LPIN1: variants seen among roughly 807,000 people sequenced by gnomAD.
The protein encoded by LPIN1 is phosphatidate phosphatase LPIN1.
A neutral mutation model predicts 107.5 loss-of-function variants in LPIN1; 71 were observed. The ratio of observed to expected loss-of-function variants is 0.66; its 90% CI spans 0.55 to 0.80. The LOEUF is 0.80. Among genes scored for constraint, LPIN1 ranks in the 30% least tolerant of loss-of-function variants. The pLI is 0.00. For synonymous variants in LPIN1, 445 were observed against 452.6 expected (o/e 0.98, Z 0.21); for missense variants, 1,043 against 1,160.6 (o/e 0.90, Z 1.47).
chr2:11,736,985 G>A (rs1665850151), intron 1 of LPIN1, among the ~76,000 whole-genome samples: 1 of 152,254 alleles, frequency 6.6e-6, no homozygotes, highest in African/African-American at 2.4e-5. Context: ...AGACACAGAT[G>A]TGCTGATCTG....
intron 1 of LPIN1, among the ~76,000 whole-genome samples, chr2:11,740,555 T>C (rs940229627): frequency 6.6e-5 from 10 of 151,346 alleles, no homozygotes; most frequent in Non-Finnish European, 1.3e-4. Context: ...GTGGTGGGAC[T>C]CATCTGTAAT....
intron 5 of LPIN1, among the ~76,000 whole-genome samples, chr2:11,775,378 A>T (rs2148642453): frequency 6.6e-6 from 1 of 152,340 alleles, no homozygotes; most frequent in East Asian, 1.9e-4. Context: ...AATTTTAAGG[A>T]TTTAAAAGAA....
rs771075398 is a variant in LPIN1, at chr2:11,824,641, ACT to A, written c.2634_2635del (p.Cys879Ter). 1.2e-6 allele frequency: 2 copies of A among 1,613,698 alleles called. No individual in the cohort carries two copies. Among genetic ancestry groups the A allele is most frequent in the Non-Finnish European group, 1.7e-6 (2 of 1,179,946 alleles). On this transcript the variant is annotated frameshift_variant, in exon 21 of 21. Transcript: ENST00000674199. LOFTEE classifies it high-confidence loss of function. Reference sequence around the variant, plus strand: ...GTCCCTTTCCTTCCAGGTATGTGAGACTCTGTGAAGTAGTCGACCACGTTTTC... The same window carrying A: ...GTCCCTTTCCTTCCAGGTATGTGAGACTGTGAAGTAGTCGACCACGTTTTC... The part of the protein sequence containing the change: ...AKTNISSYVR[L>X]CEVVDHVFPL...
chr2:11,799,139 G>C (rs369059463), intron 14 of LPIN1, among the ~76,000 whole-genome samples: 2 of 152,264 alleles, frequency 1.3e-5, no homozygotes, highest in South Asian at 2.1e-4. Context: ...CCGTGTACTT[G>C]CCCTAAGCCG....
intron 6 of LPIN1, among the ~76,000 whole-genome samples, chr2:11,777,855 A>C (rs746136223): frequency 2.8e-4 from 43 of 152,192 alleles, no homozygotes; most frequent in Non-Finnish European, 4.0e-4. Context: ...AGAGCTTTTT[A>C]GATACTTTGA....
intron 9 of LPIN1, 26 bp from the exon 10 acceptor site, chr2:11,784,860 G>T (rs1263349521): frequency 3.1e-6 from 5 of 1,612,422 alleles, no homozygotes; most frequent in Non-Finnish European, 4.2e-6. Context: ...TCCTCAGCCG[G>T]TCTCTGCCGC....
chr2:11,785,094 C>T lies in LPIN1; in HGVS notation c.1549+18C>T, dbSNP rs34296737. ...CACGAAAGGTACCGCGGGCCTCGCGCGGGCGCCCTCTGGTGGCCGCCGGTC... is the reference window on the plus strand; with the variant it reads ...CACGAAAGGTACCGCGGGCCTCGCGTGGGCGCCCTCTGGTGGCCGCCGGTC... On this transcript the variant is annotated intron_variant, in intron 10 of 20. Coordinates refer to ENST00000674199, the MANE Select transcript of LPIN1 (RefSeq NM_001349206.2). 6.5e-7 allele frequency: 1 copy of T among 1,530,172 alleles called. No individual in the cohort carries two copies. Among genetic ancestry groups the T allele is most frequent in the Non-Finnish European group, 8.7e-7 (1 of 1,143,104 alleles). 94.8% of individuals were successfully genotyped at this position (1,530,172 alleles called of 1,614,324 possible).
intron 1 of LPIN1, among the ~76,000 whole-genome samples, chr2:11,693,829 T>TC: frequency 1.3e-5 from 1 of 79,000 alleles, no homozygotes; most frequent in East Asian, 3.3e-4. Context: ...TATATTTTTT[T>TC]TTTTTTTTTT....
At chr2:11,716,366 C>T (rs552762139) in intron 2 of LPIN1, among the ~76,000 whole-genome samples, 3 of 152,112 alleles carry the variant, frequency 2.0e-5, no homozygotes, top group African/African-American at 4.8e-5. Context: ...GCAATAGGGG[C>T]GAAAGTAAGA....
intron 12 of LPIN1, among the ~76,000 whole-genome samples, chr2:11,790,460 C>CT (rs1404707066): frequency 6.6e-6 from 1 of 152,206 alleles, no homozygotes; most frequent in African/African-American, 2.4e-5. Flanking sequence ...ATGATCACCA[C>CT]TAAAGCACTT....
intron 20 of LPIN1, among the ~76,000 whole-genome samples, chr2:11,820,786 G>A (rs549381939): frequency 6.6e-6 from 1 of 152,318 alleles, no homozygotes; most frequent in African/African-American, 2.4e-5. Context: ...AAAACTAGTA[G>A]TTTAGATTTG....
At chr2:11,801,397 A>G (rs1044414164) in intron 14 of LPIN1, among the ~76,000 whole-genome samples, 2 of 152,250 alleles carry the variant, frequency 1.3e-5, no homozygotes, top group African/African-American at 2.4e-5. Flanking sequence ...AATGTGATAT[A>G]TACACAATGG....
At chr2:11,726,513 G>A (rs886221423) in intron 1 of LPIN1, among the ~76,000 whole-genome samples, 4 of 150,410 alleles carry the variant, frequency 2.7e-5, no homozygotes, top group Admixed American at 6.6e-5. Context: ...CCTGGTTGTC[G>A]TCCAAAGCTC....
chr2:11,679,908 T>C (rs1042840323), intron 1 of LPIN1, among the ~76,000 whole-genome samples: 75 of 152,338 alleles, frequency 4.9e-4, no homozygotes, highest in Admixed American at 1.4e-3. Flanking sequence ...AGGCTGGTGC[T>C]GCACCTGGAG....
intron 13 of LPIN1, 111 bp downstream of exon 13, chr2:11,792,117 A>G: frequency 2.2e-6 from 2 of 896,526 alleles, no homozygotes; most frequent in South Asian, 2.8e-5. Flanking sequence ...CCTAGTGCTG[A>G]GTTTCCATGA....
intron 6 of LPIN1, among the ~76,000 whole-genome samples, chr2:11,777,978 G>C (rs181324832): frequency 5.3e-5 from 8 of 152,216 alleles, no homozygotes; most frequent in Non-Finnish European, 1.2e-4. Flanking sequence ...GAGGCCCCTC[G>C]CTGGAGGCCA....
At chr2:11,814,512 ATG>A (rs71394769) in intron 17 of LPIN1, among the ~76,000 whole-genome samples, 25,005 of 138,176 alleles carry the variant, frequency 0.18, 2,108 homozygotes, top group Middle Eastern at 0.24. Context: ...GTGTGTGTGC[ATG>A]TGTGTGTGTG....
intron 1 of LPIN1, among the ~76,000 whole-genome samples, chr2:11,694,949 G>A (rs532653657): frequency 1.3e-5 from 2 of 152,146 alleles, no homozygotes; most frequent in African/African-American, 4.8e-5. Context: ...CATGAATCTC[G>A]ATGATCATCC....
At position 11,825,184 on chromosome 2, in the gene LPIN1, A is replaced by G. The variant is rs1682214435; in HGVS notation, c.*393A>G. ...CGCCTAGGACAGGGTCAATCGAGGA[A>G]TGCCAGATGTGCACGGTTTTTGGCA... is the stretch of plus-strand genomic sequence containing the variant. On this transcript the variant is annotated 3_prime_UTR_variant, in exon 21 of 21. Coordinates refer to ENST00000674199, the MANE Select transcript of LPIN1 (RefSeq NM_001349206.2). This position sits in a 1 kb window ranked among gnomAD's most constrained non-coding sequence, Gnocchi z 4.1. 2 of 271,964 alleles carry G rather than the reference A, an allele frequency of 7.4e-6. No individual in the cohort carries two copies. The highest frequency in any genetic ancestry group is 4.4e-5 in the South Asian group (1 of 22,986). The allele number at this position is 271,964 out of a possible 1,614,324, so 16.8% of individuals were successfully genotyped here.
Sources: allele counts gnomAD v4.1 joint callset (sites outside exome capture counted in the v4.1 genomes callset), GRCh38; gene constraint gnomAD v4.1.1; non-coding constraint Gnocchi (gnomAD v3.1); transcripts MANE v1.5; gene names NCBI Gene and HGNC (gene_info 2026-07-23, HGNC 2026-07-21).